MYO1E: variants seen among roughly 807,000 people sequenced by gnomAD.
MYO1E encodes myosin IE.
In MYO1E, 68 loss-of-function variants were observed where a neutral mutation model predicts 151.1. That is an observed-to-expected ratio of 0.45 (90% CI 0.37 to 0.55). MYO1E has a LOEUF of 0.55. MYO1E is among the 20% of genes least tolerant of loss of function. The pLI is 0.00. For synonymous variants in MYO1E, 601 were observed against 501.7 expected (o/e 1.20, Z -2.64); for missense variants, 1,363 against 1,389.3 (o/e 0.98, Z 0.30).
Position 59,372,865 on chromosome 15 carries a change from G to C in MYO1E, c.-365C>G. On this transcript the variant is annotated 5_prime_UTR_variant, in exon 1 of 28. Transcript: ENST00000288235. The stretch of plus-strand genomic sequence containing the variant: ...CCACTTAATCCGTACTCCTCTGGCT[G>C]AGTCTCGGCTCGGGCCGGGCAATCT... The C allele has an allele frequency of 2.9e-6, 1 of 339,516 alleles. No individual in the cohort carries two copies. Among genetic ancestry groups the C allele is most frequent in the Non-Finnish European group, 5.4e-6 (1 of 185,628 alleles). The allele number at this position is 339,516 out of a possible 1,614,324, so 21.0% of individuals were successfully genotyped here.
chr15:59,281,555 C>A (rs536521104), intron 1 of MYO1E, among the ~76,000 whole-genome samples: 2 of 152,176 alleles, frequency 1.3e-5, no homozygotes, highest in East Asian at 3.9e-4. Flanking sequence ...GGATTACAGG[C>A]GTGAGCCACC....
chr15:59,209,815 CTTTTTTTTT>C (rs71119441), intron 13 of MYO1E, among the ~76,000 whole-genome samples: 1 of 49,838 alleles, frequency 2.0e-5, no homozygotes, highest in African/African-American at 1.0e-4. Context: ...TTTGAATCAC[CTTTTTTTTT>C]TTTTTTTTTT....
intron 14 of MYO1E, chr15:59,208,246 TC>T: frequency 1.5e-6 from 1 of 666,494 alleles, no homozygotes; most frequent in East Asian, 2.9e-5. Flanking sequence ...TTATTGAGCA[TC>T]CACGTGCTGG....
intron 1 of MYO1E, among the ~76,000 whole-genome samples, chr15:59,295,237 G>T (rs1210942203): frequency 6.6e-6 from 1 of 152,066 alleles, no homozygotes; most frequent in East Asian, 1.9e-4. Flanking sequence ...CTTAAGCACT[G>T]AATTGGGAGA....
At chr15:59,147,705 G>A (rs1366917289) in intron 26 of MYO1E, among the ~76,000 whole-genome samples, 1 of 151,914 alleles carries the variant, frequency 6.6e-6, no homozygotes, top group Non-Finnish European at 1.5e-5. Flanking sequence ...TCCAAATGAG[G>A]CTCTCATGTC....
At chr15:59,235,696 C>T (rs556810347) in intron 5 of MYO1E, among the ~76,000 whole-genome samples, 1 of 152,276 alleles carries the variant, frequency 6.6e-6, no homozygotes, top group East Asian at 1.9e-4. Flanking sequence ...TTCTTTTCAG[C>T]AGAACTGCTG....
chr15:59,336,649 G>A lies in MYO1E; in HGVS notation c.3+35849C>T, dbSNP rs953783918. 4.9e-4 allele frequency among the ~76,000 whole-genome samples: 74 copies of A among 151,920 alleles called. 1 individual carries two copies. The highest frequency in any genetic ancestry group is 1.7e-4 in the African/African-American group (7 of 41,348). ...AAGTTCTGGGATACATTTGCAGAAC[G>A]TGCGGGTTTGTTACATAGGTATACA... On this transcript the variant is annotated intron_variant, in intron 1 of 27. Transcript: ENST00000288235.
chr15:59,194,719 G>A (rs1259671546), intron 17 of MYO1E, among the ~76,000 whole-genome samples: 1 of 152,134 alleles, frequency 6.6e-6, no homozygotes, highest in Non-Finnish European at 1.5e-5. Flanking sequence ...TCAGGCCTCT[G>A]AACAATGTGT....
chr15:59,318,284 AG>A (rs2080602005), intron 1 of MYO1E, among the ~76,000 whole-genome samples: 1 of 152,172 alleles, frequency 6.6e-6, no homozygotes, highest in Non-Finnish European at 1.5e-5. Context: ...CCATCTTCCT[AG>A]TGCTGGAACT....
chr15:59,272,237 A>AG, intron 2 of MYO1E, 69 bp downstream of exon 2: 1 of 1,581,244 alleles, frequency 6.3e-7, no homozygotes. Flanking sequence ...CACCCAGCAT[A>AG]AAGCCACAAT....
At chr15:59,223,340 A>C in intron 8 of MYO1E, 149 bp from the exon 9 acceptor site, 8 of 1,031,878 alleles carry the variant, frequency 7.8e-6, no homozygotes, top group African/African-American at 3.3e-5. Flanking sequence ...AAGCCAAAAC[A>C]TAAGATTGGG....
chr15:59,308,110 C>G (rs1346961980), intron 1 of MYO1E, among the ~76,000 whole-genome samples: 2 of 150,016 alleles, frequency 1.3e-5, no homozygotes, highest in South Asian at 4.2e-4. Context: ...GTAGTCCCAG[C>G]TACTCGGGAG....
In MYO1E at chr15:59,322,703, G is replaced by A. The variant is rs1012129046; in HGVS notation, c.3+49795C>T. Among the ~76,000 whole-genome samples, 6 of 152,246 alleles carry A rather than the reference G, an allele frequency of 3.9e-5. No individual in the cohort carries two copies. The East Asian group carries it at 7.7e-4, about 20-fold the overall frequency. ...ATCTAATAGAGTCCTGACACAGATT[G>A]TATTGATTCTAAAAAGCACATTGGG... is the stretch of plus-strand genomic sequence containing the variant. On this transcript the variant is annotated intron_variant, in intron 1 of 27. Coordinates refer to ENST00000288235, the MANE Select transcript of MYO1E (RefSeq NM_004998.4).
intron 6 of MYO1E, 79 bp downstream of exon 6, chr15:59,231,623 C>A: frequency 6.9e-7 from 1 of 1,441,800 alleles, no homozygotes; most frequent in South Asian, 1.1e-5. Context: ...CTCCCATTTC[C>A]TGTGGGATAC....
intron 17 of MYO1E, among the ~76,000 whole-genome samples, chr15:59,190,161 G>T (rs559863298): frequency 6.6e-6 from 1 of 152,190 alleles, no homozygotes; most frequent in Non-Finnish European, 1.5e-5. Flanking sequence ...TGCGTGCTGC[G>T]CGAGCTGGCT....
At chr15:59,324,670 C>CA (rs1555420290) in intron 1 of MYO1E, among the ~76,000 whole-genome samples, 1 of 151,584 alleles carries the variant, frequency 6.6e-6, no homozygotes, top group Admixed American at 6.6e-5. Flanking sequence ...CAAGCCCCCC[C>CA]CCCACAGAGG....
intron 26 of MYO1E, among the ~76,000 whole-genome samples, chr15:59,149,205 C>T (rs1382355929): frequency 6.6e-6 from 1 of 151,932 alleles, no homozygotes; most frequent in Non-Finnish European, 1.5e-5. Flanking sequence ...TACAGGCACC[C>T]ACCACCATAC....
At chr15:59,318,260 C>G (rs1358436222) in intron 1 of MYO1E, among the ~76,000 whole-genome samples, 3 of 152,198 alleles carry the variant, frequency 2.0e-5, no homozygotes, top group Non-Finnish European at 4.4e-5. Flanking sequence ...CTAGAAGAGG[C>G]AGACATGGAG....
intron 2 of MYO1E, among the ~76,000 whole-genome samples, chr15:59,268,577 C>T (rs1470764472): frequency 1.3e-5 from 2 of 152,018 alleles, no homozygotes; most frequent in Non-Finnish European, 2.9e-5. Flanking sequence ...CCAAGAAATA[C>T]ATGAGGCAGG....
Sources: allele counts gnomAD v4.1 joint callset (sites outside exome capture counted in the v4.1 genomes callset), GRCh38; gene constraint gnomAD v4.1.1; transcripts MANE v1.5; gene names NCBI Gene and HGNC (gene_info 2026-07-23, HGNC 2026-07-21).